The following GNA14 variants were observed in gnomAD, a reference collection of about 807,000 sequenced individuals.
GNA14 encodes guanine nucleotide-binding protein subunit alpha-14.
Under a neutral mutation model 42.0 loss-of-function variants are expected in GNA14, and 50 were observed. The observed-to-expected ratio is 1.19, with a 90% CI of 0.95 to 1.51. The LOEUF (loss-of-function observed/expected upper bound fraction) is 1.51, where lower values mean the gene tolerates loss of function less well. Ranked by LOEUF, GNA14 falls within the 40% of genes most tolerant of loss-of-function variation. GNA14 has a pLI of 0.00. For missense variants in GNA14, 473 were observed against 446.2 expected (o/e 1.06, Z -0.54); for synonymous variants, 173 against 163.1 (o/e 1.06, Z -0.46).
chr9:77,450,554 G>A (rs1355374336), intron 2 of GNA14, among the ~76,000 whole-genome samples: 3 of 151,910 alleles, frequency 2.0e-5, no homozygotes, highest in African/African-American at 7.3e-5. Flanking sequence ...ATTCTCCAAC[G>A]TGTACAGAGC....
At chr9:77,561,271 C>T (rs1043944907) in intron 1 of GNA14, among the ~76,000 whole-genome samples, 5 of 152,158 alleles carry the variant, frequency 3.3e-5, no homozygotes, top group Admixed American at 2.6e-4. Flanking sequence ...TAATCTATCC[C>T]ATTCTGTGGG....
chr9:77,498,376 AAAAAAAAAAAAAG>A (rs1293752668), intron 2 of GNA14, among the ~76,000 whole-genome samples: 1 of 124,730 alleles, frequency 8.0e-6, no homozygotes, highest in African/African-American at 3.0e-5. Flanking sequence ...TCTGTCTCAA[AAAAAAAAAAAAAG>A]AAAAAAAAGA....
chr9:77,597,503 G>T (rs1036240316), intron 1 of GNA14, among the ~76,000 whole-genome samples: 5 of 151,914 alleles, frequency 3.3e-5, no homozygotes, highest in Non-Finnish European at 7.4e-5. Context: ...AACAGCTTCT[G>T]CCCCAATTCA....
chr9:77,521,781 T>C (rs975699467), intron 2 of GNA14, among the ~76,000 whole-genome samples: 1 of 152,174 alleles, frequency 6.6e-6, no homozygotes, highest in Non-Finnish European at 1.5e-5. Context: ...TTAGTAAAAA[T>C]ACAAACTAAT....
chr9:77,495,682 T>C (rs1003092269), intron 2 of GNA14, among the ~76,000 whole-genome samples: 1 of 152,216 alleles, frequency 6.6e-6, no homozygotes, highest in African/African-American at 2.4e-5. Flanking sequence ...GCTTAAAACA[T>C]TTTATAATAA....
chr9:77,477,412 T>A (rs1836450685), intron 2 of GNA14, among the ~76,000 whole-genome samples: 1 of 152,168 alleles, frequency 6.6e-6, no homozygotes, highest in Admixed American at 6.5e-5. Flanking sequence ...TACTGAATCC[T>A]GAGCCCTCCA....
chr9:77,497,706 A>AACATATTTATATACATATGCATAT (rs1343925229), intron 2 of GNA14, among the ~76,000 whole-genome samples: 19 of 147,644 alleles, frequency 1.3e-4, no homozygotes, highest in Non-Finnish European at 2.1e-4. Flanking sequence ...TTTATGAGCT[A>AACATATTTATATACATATGCATAT]ACATATTTAT....
At chr9:77,452,561 T>TGTGGTGTGTG in intron 2 of GNA14, among the ~76,000 whole-genome samples, 1 of 141,980 alleles carries the variant, frequency 7.0e-6, no homozygotes, top group Admixed American at 7.2e-5. Flanking sequence ...TGTGTGTGTG[T>TGTGGTGTGTG]GTGTGTGTGT....
At chr9:77,632,405 C>T (rs950690131) in intron 1 of GNA14, among the ~76,000 whole-genome samples, 3 of 152,182 alleles carry the variant, frequency 2.0e-5, no homozygotes, top group Non-Finnish European at 2.9e-5. Context: ...CTTGTGGTGC[C>T]TTTTCCAGGC....
chr9:77,537,284 A>C (rs965011112), intron 1 of GNA14, among the ~76,000 whole-genome samples: 1 of 151,960 alleles, frequency 6.6e-6, no homozygotes, highest in African/African-American at 2.4e-5. Flanking sequence ...TCTCGGCTCC[A>C]CAAGACCAAG....
Position 77,475,605 on chromosome 9 carries a change from C to A in GNA14, c.310-41083G>T, listed in dbSNP as rs529696524. Among the ~76,000 whole-genome samples the A allele has an allele frequency of 2.0e-5, 3 of 152,218 alleles. No homozygotes were observed. The East Asian group carries it at 5.8e-4, about 29-fold the overall frequency. On this transcript the variant is annotated intron_variant, in intron 2 of 6. Coordinates refer to ENST00000341700, the MANE Select transcript of GNA14 (RefSeq NM_004297.4). ...GAGGGTCTGAGAACTGAGCATGGAC[C>A]CTTCCTTCCCTCCTTGCTCCCCTCT...
rs559732567 is a variant in GNA14, at chr9:77,557,689, G to A, written c.125-28436C>T. Among the ~76,000 whole-genome samples the A allele has an allele frequency of 2.6e-5, 4 of 152,314 alleles. No individual in the cohort carries two copies. The South Asian group carries it at 8.3e-4, about 32-fold the overall frequency. Reference sequence around the variant, plus strand: ...CTGCTCCAGTGGAACAAGGAGTGCGGTGGTTAATAGATGATTACTTCATGG... The same window carrying A: ...CTGCTCCAGTGGAACAAGGAGTGCGATGGTTAATAGATGATTACTTCATGG... On this transcript the variant is annotated intron_variant, in intron 1 of 6. Transcript: ENST00000341700.
intron 1 of GNA14, among the ~76,000 whole-genome samples, chr9:77,536,543 G>C (rs944456645): frequency 1.6e-4 from 25 of 152,152 alleles, no homozygotes; most frequent in African/African-American, 6.0e-4. Context: ...TAGAGACGGG[G>C]TTTCACCACG....
At chr9:77,546,935 A>G (rs1402795340) in intron 1 of GNA14, among the ~76,000 whole-genome samples, 1 of 152,142 alleles carries the variant, frequency 6.6e-6, no homozygotes, top group Non-Finnish European at 1.5e-5. Context: ...GTAATTATCG[A>G]TAGCATCCTT....
intron 1 of GNA14, among the ~76,000 whole-genome samples, chr9:77,583,379 C>T (rs906944475): frequency 4.6e-5 from 7 of 152,168 alleles, no homozygotes; most frequent in Non-Finnish European, 8.8e-5. Context: ...GCTCTGGCAA[C>T]AGAAAACCCC....
At chr9:77,456,325 G>C (rs1835998938) in intron 2 of GNA14, 1 of 147,746 alleles carries the variant, frequency 6.8e-6, no homozygotes, top group Non-Finnish European at 1.5e-5. Flanking sequence ...TTGGCTGCCT[G>C]TGCAACTCTC....
intron 1 of GNA14, among the ~76,000 whole-genome samples, chr9:77,558,962 A>G (rs940203534): frequency 2.0e-5 from 3 of 151,792 alleles, no homozygotes; most frequent in Non-Finnish European, 4.4e-5. Context: ...CAAACAAAAA[A>G]CCTCCTCCTG....
chr9:77,450,061 G>A (rs1003306480), intron 2 of GNA14, among the ~76,000 whole-genome samples: 2 of 152,224 alleles, frequency 1.3e-5, no homozygotes, highest in Non-Finnish European at 2.9e-5. Flanking sequence ...CTGGGATTCC[G>A]TGGGCTTATG....
intron 2 of GNA14, among the ~76,000 whole-genome samples, chr9:77,528,079 C>G (rs920502223): frequency 6.6e-6 from 1 of 152,126 alleles, no homozygotes; most frequent in African/African-American, 2.4e-5. Flanking sequence ...AAATTTGGTG[C>G]CTACTGTGTT....
Sources: allele counts gnomAD v4.1 joint callset (sites outside exome capture counted in the v4.1 genomes callset), GRCh38; gene constraint gnomAD v4.1.1; transcripts MANE v1.5; gene names NCBI Gene and HGNC (gene_info 2026-07-23, HGNC 2026-07-21).